Variants in FBXO38 observed in about 807,000 individuals in gnomAD.
FBXO38 encodes F-box only protein 38.
A neutral mutation model predicts 131.9 loss-of-function variants in FBXO38; 53 were observed. The ratio of observed to expected loss-of-function variants is 0.40; its 90% CI spans 0.32 to 0.51. The LOEUF is 0.51. Among genes scored for constraint, FBXO38 ranks in the 20% least tolerant of loss-of-function variants. The probability of loss-of-function intolerance (pLI) is 0.53; values close to 1 mark genes in which losing one functional copy is unlikely to be tolerated. For missense variants in FBXO38, 1,076 were observed against 1,475.6 expected, an observed-to-expected ratio of 0.73 and a Z score of 4.44; for synonymous variants, 452 against 505.6, an observed-to-expected ratio of 0.89 and a Z score of 1.42.
chr5:148,410,408 G>A (rs1234456010), intron 8 of FBXO38: 1 of 521,294 alleles, frequency 1.9e-6, no homozygotes, highest in African/African-American at 2.0e-5. Flanking sequence ...AATGTGACTT[G>A]CTGCCATCAG....
rs1464196849 is a variant in FBXO38 at position 148,410,880 on chromosome 5, A to G, written c.1093+115A>G. On this transcript the variant is annotated intron_variant, in intron 9 of 21. Coordinates refer to ENST00000340253, the MANE Select transcript of FBXO38 (RefSeq NM_205836.3). ...TGAACATAAGACAACTTAAAATCTT[A>G]GGTGCTCTCACGTCTTGAAAAATAA... The G allele has an allele frequency of 6.5e-6, 6 of 924,784 alleles. No individual in the cohort carries two copies. The South Asian group carries it at 7.4e-5, about 11-fold the overall frequency. 57.3% of individuals were successfully genotyped at this position (924,784 alleles called of 1,614,324 possible).
chr5:148,408,665 C>T (rs1324213416), intron 7 of FBXO38, among the ~76,000 whole-genome samples: 1 of 152,104 alleles, frequency 6.6e-6, no homozygotes, highest in Non-Finnish European at 1.5e-5. Flanking sequence ...ACAGATAAAT[C>T]AGTCATTTCT....
rs1446308435 is a variant in FBXO38 at position 148,416,977 on chromosome 5, T to C, written c.1408-17T>C. ...TAACCCAAATTAATAAACGTATGTG[T>C]TTTGGTTTTGCCTTAGGGTTGTGCT... On this transcript the variant is annotated splice_polypyrimidine_tract_variant and intron_variant, in intron 11 of 21. Coordinates refer to ENST00000340253, the MANE Select transcript of FBXO38 (RefSeq NM_205836.3). 9 of 1,574,004 alleles carry C rather than the reference T, an allele frequency of 5.7e-6. No individual in the cohort carries two copies. In the African/African-American group the frequency reaches 1.2e-4, roughly 21 times the overall value.
intron 17 of FBXO38, chr5:148,434,708 A>G (rs752178907): frequency 2.6e-5 from 4 of 152,252 alleles, no homozygotes; most frequent in African/African-American, 4.8e-5. Context: ...TTTATTTTCC[A>G]GCACATATAA....
chr5:148,433,387 C>A, intron 15 of FBXO38, 37 bp from the exon 16 acceptor site: 4 of 1,474,252 alleles, frequency 2.7e-6, no homozygotes, highest in Non-Finnish European at 3.8e-6. Flanking sequence ...GAAAGCAAGG[C>A]TAAAATTTGG....
At chr5:148,424,375 T>C (rs1013312035) in intron 13 of FBXO38, among the ~76,000 whole-genome samples, 1 of 152,232 alleles carries the variant, frequency 6.6e-6, no homozygotes. Flanking sequence ...TGTCCATGTA[T>C]GTGTAGAAAA....
chr5:148,416,182 T>A, intron 11 of FBXO38, 112 bp downstream of exon 11: 1 of 1,061,738 alleles, frequency 9.4e-7, no homozygotes, highest in Non-Finnish European at 1.3e-6. Flanking sequence ...GGTGTTACAG[T>A]CGGACTTTTT....
chr5:148,395,328 TGTAA>T (rs756626392), intron 2 of FBXO38, among the ~76,000 whole-genome samples: 4 of 152,142 alleles, frequency 2.6e-5, no homozygotes, highest in Non-Finnish European at 5.9e-5. Flanking sequence ...AAACATAACA[TGTAA>T]GTGATTGTAA....
chr5:148,404,692 T>A lies in FBXO38; in HGVS notation c.600T>A (p.Asn200Lys). ...KIQTLHLVGV[N>K]VPEIPCIPML... ...TTTATATTTGTGTTTTAGGGGTGAA[T>A]GTTCCTGAAATTCCTTGTATCCCAA... Residue 200 changes from asparagine (N) to lysine (K), a missense_variant, in exon 6 of 22, where the codon AAT (asparagine) becomes AAA (lysine). Physicochemically the swap from Asn to Lys is moderately conservative, Grantham distance 94. This residue lies in a region of FBXO38 where 96 missense variants were observed against 193.9 expected (regional missense o/e 0.50). Transcript: ENST00000340253. The A allele has an allele frequency of 6.3e-7, 1 of 1,578,230 alleles. No individual in the cohort carries two copies. Among genetic ancestry groups the A allele is most frequent in the Non-Finnish European group, 8.6e-7 (1 of 1,164,994 alleles).
Position 148,435,747 on chromosome 5 carries a change from G to A in FBXO38, c.2857+2010G>A, listed in dbSNP as rs145459938. On this transcript the variant is annotated intron_variant, in intron 17 of 21. Transcript: ENST00000340253. ...ACTGCGCAGCTGCACTCCAGTCTGG[G>A]CGACAGAGCAAGACTCCATCTCAAA... is the stretch of plus-strand genomic sequence containing the variant. 6.7e-3 allele frequency among the ~76,000 whole-genome samples: 1,013 copies of A among 152,258 alleles called. 11 individuals are homozygous for A. The highest frequency in any genetic ancestry group is 0.023 in the African/African-American group (974 of 41,532).
rs538386538 is a variant in FBXO38 at position 148,436,941 on chromosome 5, G to T, written c.2858-1391G>T. Among the ~76,000 whole-genome samples the T allele has an allele frequency of 2.0e-5, 3 of 152,324 alleles. No individual in the cohort carries two copies. The South Asian group carries it at 6.2e-4, about 32-fold the overall frequency. On this transcript the variant is annotated intron_variant, in intron 17 of 21. Transcript: ENST00000340253. ...TGTAACAGTAGGGGTACTCACCCTA[G>T]CCTTACAGTAGCACTGGAAGAACTT...
rs1478986111 is a variant in FBXO38, at chr5:148,404,696, C to G, written c.604C>G (p.Pro202Ala). The G allele has an allele frequency of 6.4e-7, 1 of 1,571,102 alleles. No homozygotes were observed. Among genetic ancestry groups the G allele is most frequent in the Admixed American group, 1.9e-5 (1 of 52,160 alleles). ...TATTTGTGTTTTAGGGGTGAATGTTCCTGAAATTCCTTGTATCCCAATGCT... is the reference window on the plus strand; with the variant it reads ...TATTTGTGTTTTAGGGGTGAATGTTGCTGAAATTCCTTGTATCCCAATGCT... ...QTLHLVGVNV[P>A]EIPCIPMLRH... is the part of the protein sequence containing the mutation. Residue 202 changes from proline to alanine, a missense_variant, in exon 6 of 22, where the codon CCT (proline) becomes GCT (alanine). Coordinates refer to ENST00000340253, the MANE Select transcript of FBXO38 (RefSeq NM_205836.3).
rs201175127 is a variant in FBXO38 at position 148,427,520 on chromosome 5, A to G, written c.2226A>G (p.Thr742=). 1.1e-5 allele frequency: 17 copies of G among 1,614,160 alleles called. No homozygotes were observed. Among genetic ancestry groups the G allele is most frequent in the African/African-American group, 8.0e-5 (6 of 75,048 alleles). ...NSGGSSEPSP[T]EVDVSRQCAC... is the part of the protein sequence containing the mutation. ...GCGGCTCTTCCGAGCCTAGCCCTAC[A>G]GAAGTGGATGTGTCCAGGCAGTGTG... is the stretch of plus-strand genomic sequence containing the variant. Residue 742 remains threonine, a synonymous_variant, in exon 15 of 22, where the codon ACA becomes ACG. Transcript: ENST00000340253.
Position 148,394,745 on chromosome 5 carries a change from A to AT in FBXO38, c.-28dup. The AT allele has an allele frequency of 1.4e-6, 2 of 1,481,376 alleles. No individual in the cohort carries two copies. The highest frequency in any genetic ancestry group is 1.8e-6 in the Non-Finnish European group (2 of 1,114,394). 91.8% of individuals were successfully genotyped at this position (1,481,376 alleles called of 1,614,324 possible). A position where few individuals can be genotyped will look rare whatever the true frequency, so the allele number is the denominator to read the frequency against. ...TGAACTCAAGTAAACAAAAGGGAAG[A>AT]TTTTCTCGTTGATACTGGAGACTGC... On this transcript the variant is annotated 5_prime_UTR_variant, in exon 2 of 22. Coordinates refer to ENST00000340253, the MANE Select transcript of FBXO38 (RefSeq NM_205836.3).
chr5:148,428,837 C>T (rs1753871365), intron 15 of FBXO38, among the ~76,000 whole-genome samples: 1 of 152,160 alleles, frequency 6.6e-6, no homozygotes, highest in Non-Finnish European at 1.5e-5. Context: ...TGCTAGTTAC[C>T]ATAGTTGCAT....
chr5:148,404,793 T>G lies in FBXO38; in HGVS notation c.701T>G (p.Leu234Ter). The stretch of plus-strand genomic sequence containing the variant: ...TTTAAAGACTTCCTTTGTATCAGCT[T>G]AAGAACTTTCGTCATGAGGAACTGT... The part of the protein sequence containing the change: ...QPFKDFLCIS[L>*]RTFVMRNCAG... The change falls in exon 6 of 22, where the codon TTA becomes TGA. Residue 234 changes from leucine to a stop codon, truncating the protein, a stop_gained. Transcript: ENST00000340253. LOFTEE classifies it high-confidence loss of function. 1.2e-6 allele frequency: 2 copies of G among 1,608,238 alleles called. No individual in the cohort carries two copies.
intron 1 of FBXO38, among the ~76,000 whole-genome samples, chr5:148,393,162 G>T (rs1346765423): frequency 6.7e-6 from 1 of 148,950 alleles, no homozygotes; most frequent in Non-Finnish European, 1.5e-5. Flanking sequence ...TTCTCAGGCC[G>T]TACTGGTTAG....
intron 18 of FBXO38, among the ~76,000 whole-genome samples, 179 bp downstream of exon 18, chr5:148,438,677 A>C (rs536394308): frequency 6.6e-6 from 1 of 152,174 alleles, no homozygotes; most frequent in African/African-American, 2.4e-5. Context: ...ACAGGTTTTT[A>C]TACTTATTAA....
At chr5:148,409,871 C>T (rs1334598888) in intron 8 of FBXO38, among the ~76,000 whole-genome samples, 1 of 152,162 alleles carries the variant, frequency 6.6e-6, no homozygotes, top group East Asian at 1.9e-4. Flanking sequence ...TTACCTACTA[C>T]AGAATTATAC....
Sources: allele counts gnomAD v4.1 joint callset (sites outside exome capture counted in the v4.1 genomes callset), GRCh38; gene constraint gnomAD v4.1.1; regional missense constraint gnomAD v4.1.1; transcripts MANE v1.5; gene names NCBI Gene and HGNC (gene_info 2026-07-23, HGNC 2026-07-21).